The following GOLPH3L variants were observed in gnomAD, a reference collection of about 807,000 sequenced individuals.
The protein encoded by GOLPH3L is Golgi phosphoprotein 3-like.
In GOLPH3L, 22 loss-of-function variants were observed where a neutral mutation model predicts 30.3. The ratio of observed to expected loss-of-function variants is 0.73; its 90% CI spans 0.52 to 1.04. The LOEUF (loss-of-function observed/expected upper bound fraction) is 1.04, where lower values mean the gene tolerates loss of function less well. Ranked by LOEUF, GOLPH3L falls within the 50% of genes least tolerant of loss-of-function variation. The pLI is 0.00. For missense variants in GOLPH3L, 303 were observed against 345.8 expected, an observed-to-expected ratio of 0.88 and a Z score of 0.98; for synonymous variants, 120 against 128.2, an observed-to-expected ratio of 0.94 and a Z score of 0.43.
chr1:150,683,567 G>A (rs1418593534), intron 2 of GOLPH3L, among the ~76,000 whole-genome samples: 4 of 147,352 alleles, frequency 2.7e-5, no homozygotes, highest in African/African-American at 7.4e-5. Context: ...GCTGGGCTTG[G>A]TGGTGGGAGC....
intron 4 of GOLPH3L, among the ~76,000 whole-genome samples, chr1:150,652,404 A>G (rs949484744): frequency 6.7e-6 from 1 of 149,682 alleles, no homozygotes; most frequent in Non-Finnish European, 1.5e-5. Context: ...AAAAAAAAAA[A>G]AAAACCCTAA....
At chr1:150,675,976 CTT>C (rs201186737) in intron 2 of GOLPH3L, among the ~76,000 whole-genome samples, 2 of 141,890 alleles carry the variant, frequency 1.4e-5, no homozygotes, top group Admixed American at 7.1e-5. Flanking sequence ...CCCTCCCTTC[CTT>C]TTTTTTTTTG....
intron 2 of GOLPH3L, among the ~76,000 whole-genome samples, chr1:150,683,263 G>A (rs1405693988): frequency 2.0e-5 from 3 of 151,980 alleles, no homozygotes; most frequent in Non-Finnish European, 4.4e-5. Context: ...TTGGCCTGGA[G>A]CGGTGGCTCA....
intron 2 of GOLPH3L, among the ~76,000 whole-genome samples, chr1:150,674,902 A>G (rs1243399469): frequency 6.6e-6 from 1 of 151,870 alleles, no homozygotes; most frequent in Non-Finnish European, 1.5e-5. Flanking sequence ...AAAGGAAAAA[A>G]AAGAGAGAAA....
chr1:150,693,826 T>A (rs1046020789), intron 2 of GOLPH3L, among the ~76,000 whole-genome samples: 1 of 99,522 alleles, frequency 1.0e-5, no homozygotes, highest in Non-Finnish European at 2.1e-5. Context: ...TGTGTATATA[T>A]ATATATATAT....
In GOLPH3L at chr1:150,694,906, A is replaced by T. The variant is rs1056602309; in HGVS notation, c.-12-56T>A. 3 of 841,312 alleles carry T rather than the reference A, an allele frequency of 3.6e-6. No individual in the cohort carries two copies. In the Admixed American group the frequency reaches 7.0e-5, roughly 20 times the overall value. The allele number at this position is 841,312 out of a possible 1,614,324, so 52.1% of individuals were successfully genotyped here. On this transcript the variant is annotated intron_variant, in intron 1 of 4. Coordinates refer to ENST00000271732, the MANE Select transcript of GOLPH3L (RefSeq NM_018178.6). The stretch of plus-strand genomic sequence containing the variant: ...ATGTATGCTTATGTAAATAAATCAT[A>T]TATTCATACATGCATACTAAACATC...
intron 2 of GOLPH3L, among the ~76,000 whole-genome samples, chr1:150,667,451 A>T (rs1253880977): frequency 1.3e-5 from 2 of 152,118 alleles, no homozygotes; most frequent in Non-Finnish European, 2.9e-5. Flanking sequence ...AGCCTTCAGG[A>T]TGGAATCCAA....
chr1:150,694,305 G>T, intron 2 of GOLPH3L: 1 of 275,324 alleles, frequency 3.6e-6, no homozygotes, highest in Non-Finnish European at 7.2e-6. Flanking sequence ...TCTCCTCAAA[G>T]CTGAAGAAGA....
At position 150,663,661 on chromosome 1, in the gene GOLPH3L, T is replaced by C. The variant is rs1650425310; in HGVS notation, c.286A>G (p.Met96Val). 3.1e-6 allele frequency: 5 copies of C among 1,613,672 alleles called. No homozygotes were observed. Among genetic ancestry groups the C allele is most frequent in the Non-Finnish European group, 4.2e-6 (5 of 1,179,782 alleles). ...CTGTCTAGTAGTCGCTTCTTACGCA[T>C]GGTCGGGGGTTCCAGATAGATTCGA... ...RGRIYLEPPT[M>V]RKKRLLDRKV... Residue 96 changes from methionine (M) to valine (V), a missense_variant, in exon 3 of 5, where the codon ATG (methionine) becomes GTG (valine). Transcript: ENST00000271732.
chr1:150,694,478 T>C lies in GOLPH3L; in HGVS notation c.183+178A>G, dbSNP rs1651298289. ...TAATTAAATACACTTCACGTAATTCTACTTCTGGATTTTTACCCTCCAAGT... is the reference window on the plus strand; with the variant it reads ...TAATTAAATACACTTCACGTAATTCCACTTCTGGATTTTTACCCTCCAAGT... On this transcript the variant is annotated intron_variant, in intron 2 of 4. Coordinates refer to ENST00000271732, the MANE Select transcript of GOLPH3L (RefSeq NM_018178.6). 6.0e-6 allele frequency: 3 copies of C among 503,516 alleles called. No homozygotes were observed. In the South Asian group the frequency reaches 1.1e-4, roughly 18 times the overall value. The allele number at this position is 503,516 out of a possible 1,614,324, so 31.2% of individuals were successfully genotyped here.
chr1:150,680,156 G>A (rs1380349442), intron 2 of GOLPH3L, among the ~76,000 whole-genome samples: 3 of 152,014 alleles, frequency 2.0e-5, no homozygotes, highest in African/African-American at 4.8e-5. Flanking sequence ...AAATGGGAAT[G>A]GAAAGGAGGT....
At chr1:150,649,241 G>A (rs1398237550) in intron 4 of GOLPH3L, among the ~76,000 whole-genome samples, 2 of 152,190 alleles carry the variant, frequency 1.3e-5, no homozygotes, top group Admixed American at 1.3e-4. Context: ...CAACAGAAAA[G>A]GCAAGTCAAG....
At chr1:150,693,924 A>G (rs1571059866) in intron 2 of GOLPH3L, among the ~76,000 whole-genome samples, 2 of 125,490 alleles carry the variant, frequency 1.6e-5, no homozygotes, top group South Asian at 5.0e-4. Flanking sequence ...CAGTGGTGCA[A>G]TCTTGGCTCA....
rs115046296 is a variant in GOLPH3L at position 150,674,006 on chromosome 1, T to A, written c.184-10243A>T. Among the ~76,000 whole-genome samples the A allele has an allele frequency of 5.1e-3, 782 of 152,192 alleles. 5 individuals are homozygous for A. Among genetic ancestry groups the A allele is most frequent in the African/African-American group, 0.018 (737 of 41,534 alleles). On this transcript the variant is annotated intron_variant, in intron 2 of 4. Transcript: ENST00000271732. ...CTCCCCACAACTCACGTGATTTTTT[T>A]AAACAATAAAATATTTATCAATTTA... is the stretch of plus-strand genomic sequence containing the variant.
In GOLPH3L at chr1:150,683,491, G is replaced by A. The variant is rs375387346; in HGVS notation, c.183+11165C>T. ...GCGGAGCTTGCAGTGAGCCGAGATC[G>A]CGCCACTGCACTCCAGCCTGGGCGA... is the stretch of plus-strand genomic sequence containing the variant. On this transcript the variant is annotated intron_variant, in intron 2 of 4. Coordinates refer to ENST00000271732, the MANE Select transcript of GOLPH3L (RefSeq NM_018178.6). 3.0e-3 allele frequency among the ~76,000 whole-genome samples: 412 copies of A among 136,816 alleles called. 22 individuals are homozygous for A. The South Asian group carries it at 0.094, about 31-fold the overall frequency. The allele number at this position is 136,816 out of a possible 152,430, so 89.8% of individuals were successfully genotyped here.
chr1:150,659,192 G>A (rs769097434), intron 4 of GOLPH3L, among the ~76,000 whole-genome samples: 1 of 152,190 alleles, frequency 6.6e-6, no homozygotes, highest in Non-Finnish European at 1.5e-5. Flanking sequence ...AGCTGCCTTT[G>A]CTTTTATTGC....
chr1:150,647,108 A>G lies in GOLPH3L; in HGVS notation c.*1213T>C, dbSNP rs1649991866. 6.6e-6 allele frequency: 1 copy of G among 152,242 alleles called. No homozygotes were observed. The highest frequency in any genetic ancestry group is 2.4e-5 in the African/African-American group (1 of 41,460). The allele number at this position is 152,242 out of a possible 1,614,324, so 9.4% of individuals were successfully genotyped here. ...TATTAATTTATGTAGGAAGCCAAAA[A>G]TAGGAAATAAAAAGATCTGGAGTTC... On this transcript the variant is annotated 3_prime_UTR_variant, in exon 5 of 5. Coordinates refer to ENST00000271732, the MANE Select transcript of GOLPH3L (RefSeq NM_018178.6).
At chr1:150,681,718 T>G (rs587728406) in intron 2 of GOLPH3L, among the ~76,000 whole-genome samples, 65 of 152,292 alleles carry the variant, frequency 4.3e-4, no homozygotes, top group African/African-American at 1.5e-3. Context: ...ATTATAATAC[T>G]TGGAAAAAGA....
intron 1 of GOLPH3L, among the ~76,000 whole-genome samples, chr1:150,695,433 G>A (rs992396173): frequency 1.1e-4 from 17 of 151,896 alleles, no homozygotes; most frequent in Non-Finnish European, 1.8e-4. Context: ...CACCAGGCCC[G>A]GCCAAACCTG....
Sources: allele counts gnomAD v4.1 joint callset (sites outside exome capture counted in the v4.1 genomes callset), GRCh38; gene constraint gnomAD v4.1.1; transcripts MANE v1.5; gene names NCBI Gene and HGNC (gene_info 2026-07-23, HGNC 2026-07-21).